THBS4: variants seen among roughly 807,000 people sequenced by gnomAD.
THBS4 encodes thrombospondin 4, also known as thrombospondin-4.
Under a neutral mutation model 115.7 loss-of-function variants are expected in THBS4, and 90 were observed. That is an observed-to-expected ratio of 0.78 (90% CI 0.66 to 0.93). The LOEUF (loss-of-function observed/expected upper bound fraction) is 0.93, where lower values mean the gene tolerates loss of function less well. Among genes scored for constraint, THBS4 ranks in the 40% least tolerant of loss-of-function variants. The probability of loss-of-function intolerance (pLI) is 0.00; values close to 1 mark genes in which losing one functional copy is unlikely to be tolerated. For missense variants in THBS4, 1,087 were observed against 1,232.7 expected (o/e 0.88, Z 1.77); for synonymous variants, 460 against 479.3 (o/e 0.96, Z 0.53).
chr5:80,009,357 A>G (rs1212934601), intron 2 of THBS4, among the ~76,000 whole-genome samples: 1 of 152,258 alleles, frequency 6.6e-6, no homozygotes, highest in Non-Finnish European at 1.5e-5. Context: ...TCAGAAAATA[A>G]TTCAACAGGG....
chr5:80,004,436 G>T (rs773496251), intron 2 of THBS4, among the ~76,000 whole-genome samples: 2 of 152,106 alleles, frequency 1.3e-5, no homozygotes, highest in African/African-American at 2.4e-5. Flanking sequence ...TCTGGGTCCC[G>T]CAGACTCAGA....
At chr5:80,049,623 A>AT (rs1012855571) in intron 2 of THBS4, among the ~76,000 whole-genome samples, 4 of 151,946 alleles carry the variant, frequency 2.6e-5, no homozygotes, top group East Asian at 1.9e-4. Flanking sequence ...TATTTTATCT[A>AT]TTTTTTTTCA....
intron 2 of THBS4, among the ~76,000 whole-genome samples, chr5:80,002,629 G>A (rs556752975): frequency 6.6e-6 from 1 of 151,710 alleles, no homozygotes; most frequent in East Asian, 1.9e-4. Flanking sequence ...AGTGCAGGGA[G>A]AGAGAGCATT....
intron 7 of THBS4, 50 bp from the exon 8 acceptor site, chr5:80,061,645 G>C (rs1030820113): frequency 2.0e-6 from 3 of 1,530,318 alleles, no homozygotes; most frequent in Non-Finnish European, 8.8e-7. Context: ...AGAAAAGTTT[G>C]AGAGTGTTTT....
chr5:80,015,971 G>A (rs182344060), intron 2 of THBS4, among the ~76,000 whole-genome samples: 1 of 152,238 alleles, frequency 6.6e-6, no homozygotes, highest in East Asian at 1.9e-4. Flanking sequence ...TGTTTAATGG[G>A]GTCAGCCTAT....
In THBS4 at chr5:80,079,124, G is replaced by A; in HGVS notation, c.2377G>A (p.Asp793Asn). 1 of 1,614,172 alleles carries A rather than the reference G, an allele frequency of 6.2e-7. No individual in the cohort carries two copies. Among genetic ancestry groups the A allele is most frequent in the Non-Finnish European group, 8.5e-7 (1 of 1,180,018 alleles). ...GTFHVNTQTD[D>N]DYAGFIFGYQ... ...CTTCCATGTGAATACCCAGACAGAT[G>A]ATGACTATGCAGGCTTTATCTTTGG... The change falls in exon 19 of 22, where the codon GAT (aspartate) becomes AAT (asparagine). Residue 793 changes from aspartate to asparagine, a missense_variant. Asp to Asn is a conservative substitution (Grantham distance 23). Around this residue, in one of 3 missense-constraint regions of THBS4, gnomAD observed 979 missense variants for 1,103.7 expected, o/e 0.89. Coordinates refer to ENST00000350881, the MANE Select transcript of THBS4 (RefSeq NM_003248.6).
At chr5:80,080,204 T>C in intron 20 of THBS4, 127 bp downstream of exon 20, 1 of 1,160,776 alleles carries the variant, frequency 8.6e-7, no homozygotes, top group Non-Finnish European at 1.2e-6. Context: ...CCAGGACTTT[T>C]GTGACCGCAG....
At chr5:80,013,185 G>C (rs1192048185) in intron 2 of THBS4, among the ~76,000 whole-genome samples, 1 of 152,086 alleles carries the variant, frequency 6.6e-6, no homozygotes, top group Non-Finnish European at 1.5e-5. Context: ...TGTCACCCAG[G>C]CTGGAGTGCA....
chr5:80,055,794 G>A lies in THBS4; in HGVS notation c.302G>A (p.Arg101His), dbSNP rs201730894. The part of the protein sequence containing the change: ...VMGRLNKAIL[R>H]YLKNDGKVHL... Reference sequence around the variant, plus strand: ...CTGTGCTTGCTTCCAGCCATCCTCCGTTACCTGAAGAACGATGGGAAGGTG... The same window carrying A: ...CTGTGCTTGCTTCCAGCCATCCTCCATTACCTGAAGAACGATGGGAAGGTG... The change falls in exon 3 of 22, where the codon CGT (arginine) becomes CAT (histidine). Residue 101 changes from arginine (R) to histidine (H), a missense_variant. Arg to His is a conservative substitution (Grantham distance 29). Transcript: ENST00000350881. 2.2e-5 allele frequency: 35 copies of A among 1,613,048 alleles called. No homozygotes were observed. The highest frequency in any genetic ancestry group is 3.3e-5 in the South Asian group (3 of 90,966).
intron 19 of THBS4, 95 bp from the exon 20 acceptor site, chr5:80,079,805 TATAAC>T (rs1298792138): frequency 1.1e-5 from 15 of 1,306,044 alleles, no homozygotes; most frequent in African/African-American, 3.0e-5. Flanking sequence ...GCAGCCGGAT[TATAAC>T]CATGACTATA....
chr5:80,081,099 C>A (rs549951020), intron 20 of THBS4, among the ~76,000 whole-genome samples: 2 of 152,066 alleles, frequency 1.3e-5, no homozygotes, highest in Admixed American at 1.3e-4. Flanking sequence ...TTTGAACTTG[C>A]AGATCAACAC....
At chr5:80,054,499 T>C (rs555914213) in intron 2 of THBS4, among the ~76,000 whole-genome samples, 10 of 152,030 alleles carry the variant, frequency 6.6e-5, no homozygotes, top group Non-Finnish European at 1.0e-4. Flanking sequence ...TTTTGTATTT[T>C]TACTAGAGAC....
chr5:80,027,314 G>A (rs1371545021), intron 2 of THBS4, among the ~76,000 whole-genome samples: 1 of 152,080 alleles, frequency 6.6e-6, no homozygotes. Flanking sequence ...CCCTCTCCTT[G>A]TTTCCTACTT....
chr5:80,045,616 CG>C (rs1199890958), intron 2 of THBS4, among the ~76,000 whole-genome samples: 1 of 151,226 alleles, frequency 6.6e-6, no homozygotes, highest in Non-Finnish European at 1.5e-5. Context: ...CTGCAACCTC[CG>C]CCTCCCGGGT....
At chr5:80,027,068 AATCATGTGGAC>A (rs1832490948) in intron 2 of THBS4, among the ~76,000 whole-genome samples, 1 of 152,234 alleles carries the variant, frequency 6.6e-6, no homozygotes, top group African/African-American at 2.4e-5. Flanking sequence ...ACCTGTGGCC[AATCATGTGGAC>A]ATTGGCAATA....
At chr5:80,058,983 A>G (rs894788286) in intron 5 of THBS4, among the ~76,000 whole-genome samples, 193 bp downstream of exon 5, 1 of 152,096 alleles carries the variant, frequency 6.6e-6, no homozygotes, top group African/African-American at 2.4e-5. Flanking sequence ...TGATGAACAC[A>G]CCATGGCTCT....
In THBS4 at chr5:80,082,451, C is replaced by T; in HGVS notation, c.2730C>T (p.Val910=). ...EGSELVADSG[V]TIDTTMRGGR... ...CTGAGTTGGTGGCTGACTCTGGCGT[C>T]ACCATAGACACCACAATGCGTGGAG... The change falls in exon 21 of 22, where the codon GTC becomes GTT. Residue 910 remains valine, a synonymous_variant. Transcript: ENST00000350881. The T allele has an allele frequency of 6.2e-7, 1 of 1,614,206 alleles. No individual in the cohort carries two copies. Among genetic ancestry groups the T allele is most frequent in the Non-Finnish European group, 8.5e-7 (1 of 1,180,044 alleles).
chr5:80,040,113 A>AC lies in THBS4; in HGVS notation c.128dup (p.Gly44ArgfsTer14). On this transcript the variant is annotated frameshift_variant, in exon 2 of 22. Transcript: ENST00000350881. LOFTEE classifies it high-confidence loss of function. ...CTCCCATCTTCCAGTCAGAGGCTAAACCCAGGCGCTCTGCTGCCAGTCCTG... is the reference window on the plus strand; with the variant it reads ...CTCCCATCTTCCAGTCAGAGGCTAAACCCCAGGCGCTCTGCTGCCAGTCCTG... 1.2e-6 allele frequency: 2 copies of AC among 1,614,026 alleles called. No homozygotes were observed. The highest frequency in any genetic ancestry group is 1.7e-6 in the Non-Finnish European group (2 of 1,180,002).
chr5:80,018,927 T>A (rs1236062146), intron 2 of THBS4, among the ~76,000 whole-genome samples: 1 of 152,170 alleles, frequency 6.6e-6, no homozygotes, highest in Non-Finnish European at 1.5e-5. Context: ...GAGTTCATGT[T>A]CTTTAGAATG....
Sources: allele counts gnomAD v4.1 joint callset (sites outside exome capture counted in the v4.1 genomes callset), GRCh38; gene constraint gnomAD v4.1.1; regional missense constraint gnomAD v4.1.1; transcripts MANE v1.5; gene names NCBI Gene and HGNC (gene_info 2026-07-23, HGNC 2026-07-21).